The following PLCB1 variants were observed in gnomAD, a reference collection of about 807,000 sequenced individuals.
PLCB1 encodes the protein 1-phosphatidylinositol 4,5-bisphosphate phosphodiesterase beta-1.
A neutral mutation model predicts 161.8 loss-of-function variants in PLCB1; 46 were observed. The observed-to-expected ratio is 0.28, with a 90% CI of 0.22 to 0.36. The LOEUF is 0.36. Ranked by LOEUF, PLCB1 falls within the 10% of genes least tolerant of loss-of-function variation. The probability of loss-of-function intolerance (pLI) is 1.00; values close to 1 mark genes in which losing one functional copy is unlikely to be tolerated. For synonymous variants in PLCB1, 517 were observed against 503.7 expected, an observed-to-expected ratio of 1.03 and a Z score of -0.35; for missense variants, 1,016 against 1,472.5, an observed-to-expected ratio of 0.69 and a Z score of 5.07.
At chr20:8,301,533 T>G (rs1326180593) in intron 2 of PLCB1, among the ~76,000 whole-genome samples, 1 of 152,104 alleles carries the variant, frequency 6.6e-6, no homozygotes, top group Non-Finnish European at 1.5e-5. Flanking sequence ...CACCACCCAC[T>G]GCTCCACCAT....
At chr20:8,434,159 G>A (rs1306756477) in intron 3 of PLCB1, among the ~76,000 whole-genome samples, 2 of 152,072 alleles carry the variant, frequency 1.3e-5, no homozygotes, top group Admixed American at 6.5e-5. Flanking sequence ...GTTGACAGTT[G>A]GTTAATTCAT....
intron 3 of PLCB1, among the ~76,000 whole-genome samples, chr20:8,481,439 G>T (rs1167967303): frequency 6.6e-6 from 1 of 152,102 alleles, no homozygotes; most frequent in Non-Finnish European, 1.5e-5. Flanking sequence ...TCTTCTATTT[G>T]TAAATGATTA....
chr20:8,447,979 AG>A (rs1980912454), intron 3 of PLCB1, among the ~76,000 whole-genome samples: 1 of 152,230 alleles, frequency 6.6e-6, no homozygotes, highest in Admixed American at 6.5e-5. Context: ...CCCTTGGCAA[AG>A]GTCCTGAGAC....
At chr20:8,481,678 T>C (rs1982502778) in intron 3 of PLCB1, among the ~76,000 whole-genome samples, 2 of 152,204 alleles carry the variant, frequency 1.3e-5, no homozygotes, top group African/African-American at 2.4e-5. Context: ...TGTATAGTAA[T>C]TGTTCTCCCC....
At chr20:8,470,316 A>G (rs181238690) in intron 3 of PLCB1, among the ~76,000 whole-genome samples, 24 of 152,284 alleles carry the variant, frequency 1.6e-4, no homozygotes, top group African/African-American at 5.8e-4. Flanking sequence ...TATGGAAACT[A>G]TGTTTAAACC....
chr20:8,381,482 C>T (rs948411767), intron 3 of PLCB1, among the ~76,000 whole-genome samples: 5 of 152,146 alleles, frequency 3.3e-5, no homozygotes, highest in Admixed American at 2.6e-4. Context: ...AGGAGTCCCC[C>T]CTTTTCATTT....
intron 2 of PLCB1, among the ~76,000 whole-genome samples, chr20:8,345,576 T>C (rs1985974270): frequency 6.6e-6 from 1 of 152,130 alleles, no homozygotes; most frequent in Non-Finnish European, 1.5e-5. Flanking sequence ...CCCTGGGCAT[T>C]GTAGGATGTT....
intron 31 of PLCB1, among the ~76,000 whole-genome samples, chr20:8,852,381 G>A (rs571892757): frequency 2.6e-5 from 4 of 152,296 alleles, no homozygotes; most frequent in Non-Finnish European, 2.9e-5. Flanking sequence ...AATCCAGTCT[G>A]AGTCTAATGA....
intron 31 of PLCB1, among the ~76,000 whole-genome samples, chr20:8,804,059 C>G (rs1032265767): frequency 6.6e-6 from 1 of 152,126 alleles, no homozygotes; most frequent in Non-Finnish European, 1.5e-5. Context: ...TCCCAAAGTG[C>G]TGGGATTACA....
intron 3 of PLCB1, among the ~76,000 whole-genome samples, chr20:8,557,277 C>T (rs1985996513): frequency 6.6e-6 from 1 of 151,828 alleles, no homozygotes; most frequent in Non-Finnish European, 1.5e-5. Flanking sequence ...TCACAATAGA[C>T]AAAAGGTGAA....
intron 2 of PLCB1, 28 bp downstream of exon 2, chr20:8,150,399 A>G: frequency 1.8e-6 from 2 of 1,083,968 alleles, no homozygotes; most frequent in Non-Finnish European, 2.7e-6. Flanking sequence ...CCTTTCTTAC[A>G]TTTTTCAGTC....
chr20:8,251,041 G>A (rs1034558034), intron 2 of PLCB1, among the ~76,000 whole-genome samples: 2 of 151,974 alleles, frequency 1.3e-5, no homozygotes, highest in East Asian at 3.9e-4. Context: ...AAGCTGGGAA[G>A]TCCAAGATCA....
chr20:8,170,281 T>G (rs1340759726), intron 2 of PLCB1, among the ~76,000 whole-genome samples: 2 of 152,190 alleles, frequency 1.3e-5, no homozygotes, highest in Admixed American at 6.5e-5. Flanking sequence ...TTCTTTTTTT[T>G]TAAATAGACT....
intron 3 of PLCB1, among the ~76,000 whole-genome samples, chr20:8,562,116 G>A (rs914250061): frequency 6.6e-6 from 1 of 151,948 alleles, no homozygotes; most frequent in Non-Finnish European, 1.5e-5. Context: ...GAGTACGGAG[G>A]GGCTGCCTCA....
At chr20:8,238,649 A>G (rs749818038) in intron 2 of PLCB1, among the ~76,000 whole-genome samples, 8 of 151,982 alleles carry the variant, frequency 5.3e-5, no homozygotes, top group Non-Finnish European at 5.9e-5. Flanking sequence ...ATGAAAGGGG[A>G]AAAAGAGGTC....
intron 31 of PLCB1, among the ~76,000 whole-genome samples, chr20:8,868,770 TAC>T (rs1987513218): frequency 6.6e-6 from 1 of 152,176 alleles, no homozygotes; most frequent in Non-Finnish European, 1.5e-5. Flanking sequence ...CAGCTGGGGC[TAC>T]AGGCACCAGC....
intron 3 of PLCB1, among the ~76,000 whole-genome samples, chr20:8,575,044 A>G (rs118005847): frequency 8.1e-4 from 124 of 152,316 alleles, no homozygotes; most frequent in Non-Finnish European, 1.4e-3. Context: ...AGGACCTCCA[A>G]TTCCCCCTTA....
intron 30 of PLCB1, 73 bp downstream of exon 30, chr20:8,789,648 G>A: frequency 1.8e-6 from 2 of 1,108,506 alleles, no homozygotes; most frequent in Non-Finnish European, 2.8e-6. Flanking sequence ...GTGAGCTTCT[G>A]GAAGGAAATG....
intron 4 of PLCB1, among the ~76,000 whole-genome samples, chr20:8,629,235 T>A (rs929286163): frequency 7.9e-5 from 12 of 152,230 alleles, no homozygotes; most frequent in African/African-American, 2.9e-4. Context: ...AAAATAAAAA[T>A]TTTAGATAAT....
Sources: gnomAD v4.1 joint callset for allele counts (sites outside exome capture counted in the v4.1 genomes callset) on GRCh38, gnomAD v4.1.1 for gene constraint, MANE v1.5 for transcripts, NCBI Gene and HGNC (gene_info 2026-07-23, HGNC 2026-07-21) for gene names.